MYH14: variants seen among roughly 807,000 people sequenced by gnomAD.
MYH14 encodes the protein myosin heavy chain 14, also known as myosin-14.
A neutral mutation model predicts 255.5 loss-of-function variants in MYH14; 123 were observed. That is an observed-to-expected ratio of 0.48 (90% CI 0.42 to 0.56). The LOEUF is 0.56. Ranked by LOEUF, MYH14 falls within the 20% of genes least tolerant of loss-of-function variation. The pLI is 0.00. For missense variants in MYH14, 2,423 were observed against 2,802.3 expected (o/e 0.86, Z 3.06); for synonymous variants, 1,095 against 1,161.2 (o/e 0.94, Z 1.16).
At chr19:50,272,424 A>C in intron 26 of MYH14, 136 bp from the exon 27 acceptor site, 1 of 869,620 alleles carries the variant, frequency 1.1e-6, no homozygotes, top group Non-Finnish European at 1.9e-6. Context: ...TAGATGGGGA[A>C]GGTGGGAGGA....
At position 50,281,469 on chromosome 19, in the gene MYH14, C is replaced by T; in HGVS notation, c.4291-125C>T. On this transcript the variant is annotated intron_variant, in intron 32 of 42. Transcript: ENST00000642316. ...CACACCACTCAGAGGCAGAAGAGCC[C>T]AGCAGAATGACCCCTTTCCCTCTTC... The T allele has an allele frequency of 2.2e-6, 3 of 1,385,410 alleles. No homozygotes were observed. The South Asian group carries it at 4.6e-5, about 21-fold the overall frequency. The allele number at this position is 1,385,410 out of a possible 1,614,324, so 85.8% of individuals were successfully genotyped here. A position where few individuals can be genotyped will look rare whatever the true frequency, so the allele number is the denominator to read the frequency against.
chr19:50,290,941 GTGGCTGCC>G lies in MYH14; in HGVS notation c.5021_5028del (p.Val1674AlafsTer61). 1 of 1,593,750 alleles carries G rather than the reference GTGGCTGCC, an allele frequency of 6.3e-7. No individual in the cohort carries two copies. Among genetic ancestry groups the G allele is most frequent in the Non-Finnish European group, 8.5e-7 (1 of 1,170,850 alleles). ...GGAGCGGAAGCAGCGCACTCTGGCCGTGGCTGCCCGCAAGAAGCTGGAGGGAGAGCTGG... is the reference window on the plus strand; with the variant it reads ...GGAGCGGAAGCAGCGCACTCTGGCCGCGCAAGAAGCTGGAGGGAGAGCTGG... On this transcript the variant is annotated frameshift_variant, in exon 36 of 43. Coordinates refer to ENST00000642316, the MANE Select transcript of MYH14 (RefSeq NM_001145809.2). LOFTEE classifies it high-confidence loss of function.
chr19:50,281,341 G>C (rs538782957), intron 32 of MYH14, among the ~76,000 whole-genome samples: 7 of 152,254 alleles, frequency 4.6e-5, no homozygotes, highest in Admixed American at 4.6e-4. Flanking sequence ...CCCAGCAGCC[G>C]AGGGGCTCCC....
At chr19:50,299,482 A>T (rs2036398109) in intron 39 of MYH14, among the ~76,000 whole-genome samples, 1 of 150,104 alleles carries the variant, frequency 6.7e-6, no homozygotes, top group Non-Finnish European at 1.5e-5. Flanking sequence ...GAGGCCGGAG[A>T]ATCACTTGAT....
At chr19:50,274,694 G>A (rs1257244852) in intron 27 of MYH14, among the ~76,000 whole-genome samples, 2 of 152,168 alleles carry the variant, frequency 1.3e-5, no homozygotes, top group Admixed American at 6.5e-5. Context: ...TCTGAGAGTA[G>A]GAGGCAGGAG....
rs188430353 is a variant in MYH14, at chr19:50,245,779, A to T, written c.1211-1225A>T. 2.6e-5 allele frequency among the ~76,000 whole-genome samples: 4 copies of T among 152,332 alleles called. No homozygotes were observed. In the East Asian group the frequency reaches 7.7e-4, roughly 29 times the overall value. ...GCACCTGGGGGCTCTGTACATAGGC[A>T]CCCAGCAGGTGTGCCGTGCACACAC... is the stretch of plus-strand genomic sequence containing the variant. On this transcript the variant is annotated intron_variant, in intron 11 of 42. Coordinates refer to ENST00000642316, the MANE Select transcript of MYH14 (RefSeq NM_001145809.2).
At chr19:50,267,078 G>A in intron 23 of MYH14, 70 bp downstream of exon 23, 1 of 1,413,706 alleles carries the variant, frequency 7.1e-7, no homozygotes, top group Non-Finnish European at 9.5e-7. Context: ...GTGGAGCCAG[G>A]TGTGAGGGGC....
chr19:50,254,212 T>C (rs574549783), intron 16 of MYH14, among the ~76,000 whole-genome samples: 2 of 142,724 alleles, frequency 1.4e-5, no homozygotes, highest in South Asian at 4.4e-4. Flanking sequence ...AGTGAAACTC[T>C]GTCTCAAAAA....
intron 22 of MYH14, among the ~76,000 whole-genome samples, chr19:50,265,382 G>A (rs960104507): frequency 1.3e-5 from 2 of 151,848 alleles, no homozygotes; most frequent in African/African-American, 4.8e-5. Context: ...AAAACTGGGT[G>A]TAGTGGTGCA....
In MYH14 at chr19:50,309,118, T is replaced by C; in HGVS notation, c.5901T>C (p.Asp1967=). Residue 1967 remains aspartate, a synonymous_variant, in exon 42 of 43, where the codon GAT becomes GAC. Coordinates refer to ENST00000642316, the MANE Select transcript of MYH14 (RefSeq NM_001145809.2). Reference sequence around the variant, plus strand: ...GGAGGCTGCAGCGTGAGCTGGAAGATGTCACAGAGTCGGCCGAGTCCATGA... The same window carrying C: ...GGAGGCTGCAGCGTGAGCTGGAAGACGTCACAGAGTCGGCCGAGTCCATGA... ...GRRRLQRELE[D]VTESAESMNR... The C allele has an allele frequency of 6.2e-7, 1 of 1,613,870 alleles. No homozygotes were observed. Among genetic ancestry groups the C allele is most frequent in the South Asian group, 1.1e-5 (1 of 91,082 alleles).
At chr19:50,236,673 A>T (rs924025748) in intron 10 of MYH14, among the ~76,000 whole-genome samples, 1 of 152,064 alleles carries the variant, frequency 6.6e-6, no homozygotes, top group Non-Finnish European at 1.5e-5. Flanking sequence ...AAGCCACTGC[A>T]CTCCAGCCTG....
chr19:50,292,016 G>C (rs1270393765), intron 36 of MYH14, among the ~76,000 whole-genome samples: 3 of 152,200 alleles, frequency 2.0e-5, no homozygotes, highest in African/African-American at 7.2e-5. Context: ...GGCTCCATCA[G>C]GCTTCCAGCT....
intron 9 of MYH14, among the ~76,000 whole-genome samples, chr19:50,231,726 A>AG (rs1161361533): frequency 1.3e-5 from 1 of 74,974 alleles, no homozygotes; most frequent in Admixed American, 1.3e-4. Flanking sequence ...AAAATTAAAA[A>AG]AAAAAAATAG....
At chr19:50,290,637 C>T (rs1171269000) in intron 35 of MYH14, among the ~76,000 whole-genome samples, 1 of 152,154 alleles carries the variant, frequency 6.6e-6, no homozygotes, top group Non-Finnish European at 1.5e-5. Flanking sequence ...TGAGCAGGAT[C>T]AGCTCTGGAG....
chr19:50,289,437 T>C lies in MYH14; in HGVS notation c.4754T>C (p.Val1585Ala). 3 of 1,605,586 alleles carry C rather than the reference T, an allele frequency of 1.9e-6. No homozygotes were observed. The highest frequency in any genetic ancestry group is 2.5e-6 in the Non-Finnish European group (3 of 1,176,530). The change falls in exon 35 of 43, where the codon GTG becomes GCG. Residue 1585 changes from valine to alanine, a missense_variant and splice_region_variant. Coordinates refer to ENST00000642316, the MANE Select transcript of MYH14 (RefSeq NM_001145809.2). ...LSSKDDVGKSVHELERACRVA... is the reference protein window; with the variant it reads ...LSSKDDVGKSAHELERACRVA... ...CCCAGCAGCTACTCTCCCCACCAGGTGCATGAGCTGGAACGAGCCTGCCGG... is the reference window on the plus strand; with the variant it reads ...CCCAGCAGCTACTCTCCCCACCAGGCGCATGAGCTGGAACGAGCCTGCCGG...
intron 30 of MYH14, among the ~76,000 whole-genome samples, chr19:50,278,657 T>C (rs2035599738): frequency 6.6e-6 from 1 of 151,896 alleles, no homozygotes; most frequent in Non-Finnish European, 1.5e-5. Flanking sequence ...TGAGCTGTGA[T>C]TGTGCCACTG....
chr19:50,224,103 G>A (rs375269812), intron 5 of MYH14, 51 bp from the exon 6 acceptor site: 55 of 1,413,068 alleles, frequency 3.9e-5, no homozygotes, highest in South Asian at 1.4e-4. Flanking sequence ...GTCTGTCCAC[G>A]TTCCATGTGC....
intron 24 of MYH14, among the ~76,000 whole-genome samples, chr19:50,268,607 A>G (rs2035181881): frequency 6.6e-6 from 1 of 152,222 alleles, no homozygotes; most frequent in South Asian, 2.1e-4. Flanking sequence ...GCCTGGCTGG[A>G]TCCAGGTGTC....
chr19:50,275,739 T>A (rs2035479585), intron 27 of MYH14, among the ~76,000 whole-genome samples: 2 of 152,096 alleles, frequency 1.3e-5, no homozygotes, highest in African/African-American at 4.8e-5. Context: ...GGTAGGAGGA[T>A]CACTTGAGCC....
Sources: allele counts gnomAD v4.1 joint callset (sites outside exome capture counted in the v4.1 genomes callset), GRCh38; gene constraint gnomAD v4.1.1; transcripts MANE v1.5; gene names NCBI Gene and HGNC (gene_info 2026-07-23, HGNC 2026-07-21).